The following TMEM38A variants were observed in gnomAD, a reference collection of about 807,000 sequenced individuals.
The protein encoded by TMEM38A is trimeric intracellular cation channel type A.
TMEM38A carries 17 observed loss-of-function variants against 28.6 expected under a neutral mutation model. That is an observed-to-expected ratio of 0.60 (90% confidence interval 0.41 to 0.89). The LOEUF (loss-of-function observed/expected upper bound fraction) is 0.89. Ranked by LOEUF, TMEM38A falls within the 40% of genes least tolerant of loss-of-function variation. TMEM38A has a pLI of 0.00. For missense variants in TMEM38A, 328 were observed against 393.1 expected (o/e 0.83, Z 1.40); for synonymous variants, 169 against 166.1 (o/e 1.02, Z -0.14).
chr19:16,677,074 G>GAAA (rs398079759), intron 1 of TMEM38A, among the ~76,000 whole-genome samples: 6,766 of 108,972 alleles, frequency 0.062, 517 homozygotes, highest in African/African-American at 0.19. Flanking sequence ...TTTTTAAAAA[G>GAAA]AAAAAAAAAA....
rs905911294 is a variant in TMEM38A, at chr19:16,661,703, G to A, written c.124+362G>A. Among the ~76,000 whole-genome samples, 71 of 152,150 alleles carry A rather than the reference G, an allele frequency of 4.7e-4. No individual in the cohort carries two copies. The highest frequency in any genetic ancestry group is 1.5e-3 in the African/African-American group (61 of 41,522). ...GGTGGGGGTCGGTGCATCTGTTCTG[G>A]CCGCGCGCAGGTGTGACCTCCCTCC... On this transcript the variant is annotated intron_variant, in intron 1 of 5. Transcript: ENST00000187762. The surrounding 1 kb of genome is among the most constrained non-coding windows in gnomAD (Gnocchi z 6.5).
At position 16,688,441 on chromosome 19, in the gene TMEM38A, C is replaced by A; in HGVS notation, c.*70C>A. 1 of 1,280,586 alleles carries A rather than the reference C, an allele frequency of 7.8e-7. No homozygotes were observed. 79.3% of individuals were successfully genotyped at this position (1,280,586 alleles called of 1,614,324 possible). Reference sequence around the variant, plus strand: ...CCTCTGAGCTGGGAGGCTTCCTGCGCTCAGATCTATCCTTTCCTGGCCTTG... The same window carrying A: ...CCTCTGAGCTGGGAGGCTTCCTGCGATCAGATCTATCCTTTCCTGGCCTTG... On this transcript the variant is annotated 3_prime_UTR_variant, in exon 6 of 6. Coordinates refer to ENST00000187762, the MANE Select transcript of TMEM38A (RefSeq NM_024074.4).
chr19:16,689,119 GTC>G lies in TMEM38A; in HGVS notation c.*752_*753del, dbSNP rs2122604878. ...GTGAGCCAGGTGCTGCCATTTCAAA[GTC>G]TCTTCTTACCACGCTCCTCAGTGGC... On this transcript the variant is annotated 3_prime_UTR_variant, in exon 6 of 6. Transcript: ENST00000187762. 1 of 152,166 alleles carries G rather than the reference GTC, an allele frequency of 6.6e-6. No homozygotes were observed. Among genetic ancestry groups the G allele is most frequent in the South Asian group, 2.1e-4 (1 of 4,812 alleles). The allele number at this position is 152,166 out of a possible 1,614,324, so 9.4% of individuals were successfully genotyped here.
intron 1 of TMEM38A, among the ~76,000 whole-genome samples, chr19:16,679,252 C>CGTGTGTGTGTGTGTGTGT (rs35543309): frequency 7.8e-6 from 1 of 128,292 alleles, no homozygotes; most frequent in Non-Finnish European, 1.7e-5. Flanking sequence ...TCTTTTGTTT[C>CGTGTGTGTGTGTGTGTGT]GTGTGTGTGT....
intron 1 of TMEM38A, among the ~76,000 whole-genome samples, chr19:16,678,766 CAAAAAAAAAAAAA>C (rs61142232): frequency 1.2e-4 from 6 of 48,688 alleles, no homozygotes; most frequent in Admixed American, 4.9e-4. Flanking sequence ...ACCCTGTGTC[CAAAAAAAAAAAAA>C]AAAAAAAAAA....
chr19:16,688,347 G>A lies in TMEM38A; in HGVS notation c.876G>A (p.Lys292=), dbSNP rs749778924. Residue 292 remains lysine (K), a synonymous_variant, in exon 6 of 6, where the codon AAG becomes AAA. Coordinates refer to ENST00000187762, the MANE Select transcript of TMEM38A (RefSeq NM_024074.4). ...SKEELSEGSR[K]KKAKKAD is the part of the protein sequence containing the mutation. Reference sequence around the variant, plus strand: ...AGGAGTTGAGCGAGGGCTCCAGGAAGAAGAAGGCCAAGAAGGCGGATTAGG... The same window carrying A: ...AGGAGTTGAGCGAGGGCTCCAGGAAAAAGAAGGCCAAGAAGGCGGATTAGG... The A allele has an allele frequency of 3.1e-6, 5 of 1,598,664 alleles. No homozygotes were observed. In the East Asian group the frequency reaches 1.1e-4, roughly 36 times the overall value.
intron 1 of TMEM38A, among the ~76,000 whole-genome samples, chr19:16,663,589 C>T (rs1210524162): frequency 4.0e-5 from 6 of 150,550 alleles, no homozygotes; most frequent in South Asian, 2.1e-4. Context: ...AGTGCGGTGG[C>T]GCCGCCTCTG....
Position 16,682,441 on chromosome 19 carries a change from T to C in TMEM38A, c.487T>C (p.Ser163Pro). Residue 163 changes from serine to proline, a missense_variant, in exon 4 of 6, where the codon TCC (serine) becomes CCC (proline). Ser to Pro is a moderately conservative substitution (Grantham distance 74). Transcript: ENST00000187762. ...TGTAGGTTCTGGTGTCGCCCTCATG[T>C]CCAACTTTGAGCAGCTGCTCCGAGG... ...WVKGSGVALM[S>P]NFEQLLRGVW... 3 of 1,614,004 alleles carry C rather than the reference T, an allele frequency of 1.9e-6. No individual in the cohort carries two copies. The highest frequency in any genetic ancestry group is 2.5e-6 in the Non-Finnish European group (3 of 1,179,972).
chr19:16,672,446 ATTTTTTT>A (rs746189021), intron 1 of TMEM38A, among the ~76,000 whole-genome samples: 2 of 105,024 alleles, frequency 1.9e-5, no homozygotes, highest in African/African-American at 8.6e-5. Context: ...AAAAAACCTC[ATTTTTTT>A]TTTTTTTTTT....
At position 16,688,160 on chromosome 19, in the gene TMEM38A, C is replaced by A; in HGVS notation, c.689C>A (p.Thr230Asn). The A allele has an allele frequency of 6.9e-7, 1 of 1,440,818 alleles. No individual in the cohort carries two copies. Among genetic ancestry groups the A allele is most frequent in the East Asian group, 2.6e-5 (1 of 37,746 alleles). 89.3% of individuals were successfully genotyped at this position (1,440,818 alleles called of 1,614,324 possible). The change falls in exon 6 of 6, where the codon ACC (threonine) becomes AAC (asparagine). Residue 230 changes from threonine (T) to asparagine (N), a missense_variant. Physicochemically the swap from Thr to Asn is moderately conservative, Grantham distance 65 (BLOSUM62 0). Coordinates refer to ENST00000187762, the MANE Select transcript of TMEM38A (RefSeq NM_024074.4). ...MVSCKVFLTATHSHSSPFDAL... is the reference protein window; with the variant it reads ...MVSCKVFLTANHSHSSPFDAL... ...CCACCTCAGGTGTTTCTGACAGCCA[C>A]CCACTCACACAGCTCCCCCTTTGAT...
intron 1 of TMEM38A, among the ~76,000 whole-genome samples, chr19:16,670,952 A>C (rs893549073): frequency 2.0e-5 from 3 of 151,868 alleles, no homozygotes; most frequent in African/African-American, 7.3e-5. Flanking sequence ...AAAAGAATAA[A>C]AGAAAGTCCC....
chr19:16,672,184 A>G (rs1266064206), intron 1 of TMEM38A, among the ~76,000 whole-genome samples: 2 of 152,172 alleles, frequency 1.3e-5, no homozygotes, highest in Non-Finnish European at 2.9e-5. Flanking sequence ...ATCAGGAGTT[A>G]GACAAAGAAG....
intron 1 of TMEM38A, among the ~76,000 whole-genome samples, chr19:16,675,176 A>G (rs149237400): frequency 1.4e-3 from 215 of 151,828 alleles, no homozygotes; most frequent in African/African-American, 5.1e-3. Context: ...CAGATGATCA[A>G]CCTCTCCTTG....
At chr19:16,669,666 G>A (rs2086718146) in intron 1 of TMEM38A, among the ~76,000 whole-genome samples, 1 of 152,186 alleles carries the variant, frequency 6.6e-6, no homozygotes, top group Non-Finnish European at 1.5e-5. Context: ...ATTTAACAGG[G>A]GAGGAAACTG....
intron 1 of TMEM38A, among the ~76,000 whole-genome samples, chr19:16,666,597 T>C (rs2086704134): frequency 6.6e-6 from 1 of 151,970 alleles, no homozygotes; most frequent in Non-Finnish European, 1.5e-5. Context: ...TTGAGAATCC[T>C]GAGAAAGAAT....
In TMEM38A at chr19:16,688,516, G is replaced by A. The variant is rs960787445; in HGVS notation, c.*145G>A. 1.1e-5 allele frequency: 6 copies of A among 538,184 alleles called. No individual in the cohort carries two copies. The highest frequency in any genetic ancestry group is 2.0e-5 in the African/African-American group (1 of 51,104). 33.3% of individuals were successfully genotyped at this position (538,184 alleles called of 1,614,324 possible). A position where few individuals can be genotyped will look rare whatever the true frequency, so the allele number is the denominator to read the frequency against. On this transcript the variant is annotated 3_prime_UTR_variant, in exon 6 of 6. Coordinates refer to ENST00000187762, the MANE Select transcript of TMEM38A (RefSeq NM_024074.4). ...CATTGGCTCACCCTCCAGGGCTGATGTGGGGGTTGAGATATGGGGATGAGG... is the reference window on the plus strand; with the variant it reads ...CATTGGCTCACCCTCCAGGGCTGATATGGGGGTTGAGATATGGGGATGAGG...
Position 16,689,766 on chromosome 19 carries a change from G to A in TMEM38A, c.*1395G>A, listed in dbSNP as rs917846417. 1 of 152,240 alleles carries A rather than the reference G, an allele frequency of 6.6e-6. No individual in the cohort carries two copies. Among genetic ancestry groups the A allele is most frequent in the Admixed American group, 6.6e-5 (1 of 15,260 alleles). The allele number at this position is 152,240 out of a possible 1,614,324, so 9.4% of individuals were successfully genotyped here. Reference sequence around the variant, plus strand: ...GAGGTGGATGATATTATAGCTGAAGGGTCCCTCCTGGTCACCCTCATCTCA... The same window carrying A: ...GAGGTGGATGATATTATAGCTGAAGAGTCCCTCCTGGTCACCCTCATCTCA... On this transcript the variant is annotated 3_prime_UTR_variant, in exon 6 of 6. Transcript: ENST00000187762.
intron 4 of TMEM38A, 99 bp downstream of exon 4, chr19:16,682,607 T>C: frequency 9.5e-7 from 1 of 1,049,586 alleles, no homozygotes. Flanking sequence ...GCCTCAACCC[T>C]TGACTCTGCC....
chr19:16,669,690 A>C (rs371223431), intron 1 of TMEM38A, among the ~76,000 whole-genome samples: 11 of 152,136 alleles, frequency 7.2e-5, no homozygotes, highest in East Asian at 1.9e-4. Flanking sequence ...CAGAATGCTG[A>C]GCTCAAAAGC....
Sources: allele counts gnomAD v4.1 joint callset (sites outside exome capture counted in the v4.1 genomes callset), GRCh38; gene constraint gnomAD v4.1.1; non-coding constraint Gnocchi (gnomAD v3.1); transcripts MANE v1.5; gene names NCBI Gene and HGNC (gene_info 2026-07-23, HGNC 2026-07-21).